ZNF264: variants seen among roughly 807,000 people sequenced by gnomAD.
The protein encoded by ZNF264 is zinc finger protein 264.
Under a neutral mutation model 11.2 loss-of-function variants are expected in ZNF264, and 11 were observed. The ratio of observed to expected loss-of-function variants is 0.98; its 90% confidence interval spans 0.62 to 1.63. ZNF264 has a LOEUF of 1.63. Ranked by LOEUF, ZNF264 falls within the 40% of genes most tolerant of loss-of-function variation. The probability of loss-of-function intolerance (pLI) is 0.00; values close to 1 mark genes in which losing one functional copy is unlikely to be tolerated. For synonymous variants in ZNF264, 309 were observed against 279.8 expected (o/e 1.10, Z -1.04); for missense variants, 752 against 768.1 (o/e 0.98, Z 0.25).
In ZNF264 at chr19:57,212,038, C is replaced by G. The variant is rs760089912; in HGVS notation, c.941C>G (p.Ser314Cys). 2 of 1,613,912 alleles carry G rather than the reference C, an allele frequency of 1.2e-6. No homozygotes were observed. The highest frequency in any genetic ancestry group is 2.2e-5 in the East Asian group (1 of 44,844). ...AACAGGAGACACACTGGAGAAAAAT[C>G]CTTTGTGTGCACAGAATGTGGCCAA... Reference protein sequence around the residue: ...LHNRRHTGEKSFVCTECGQVF... With the variant: ...LHNRRHTGEKCFVCTECGQVF... Residue 314 changes from serine (S) to cysteine (C), a missense_variant, in exon 4 of 4, where the codon TCC becomes TGC. Transcript: ENST00000263095.
At chr19:57,207,005 G>A (rs1004783729) in intron 3 of ZNF264, among the ~76,000 whole-genome samples, 1 of 143,086 alleles carries the variant, frequency 7.0e-6, no homozygotes, top group Non-Finnish European at 1.5e-5. Flanking sequence ...GAGTGTCTGT[G>A]CAGTCCCTGT....
Position 57,221,863 on chromosome 19 carries a change from A to G in ZNF264, c.*8882A>G, listed in dbSNP as rs572309723. On this transcript the variant is annotated 3_prime_UTR_variant, in exon 4 of 4. Transcript: ENST00000263095. ...TGGGTGGAGCAGTAGTAAGCCTCCC[A>G]AAATCTAAGGTCCCACACTCCAGCA... is the stretch of plus-strand genomic sequence containing the variant. 4.7e-4 allele frequency: 72 copies of G among 152,288 alleles called. No individual in the cohort carries two copies. The highest frequency in any genetic ancestry group is 1.7e-3 in the African/African-American group (71 of 41,564). The allele number at this position is 152,288 out of a possible 1,614,324, so 9.4% of individuals were successfully genotyped here. A position where few individuals can be genotyped will look rare whatever the true frequency, so the allele number is the denominator to read the frequency against.
intron 2 of ZNF264, 126 bp from the exon 3 acceptor site, chr19:57,205,271 C>G: frequency 1.2e-6 from 1 of 826,026 alleles, no homozygotes; most frequent in Non-Finnish European, 1.9e-6. Context: ...GCCAGCTTTT[C>G]ATTCCCATGC....
Position 57,221,084 on chromosome 19 carries a change from T to G in ZNF264, c.*8103T>G, listed in dbSNP as rs1388539710. On this transcript the variant is annotated 3_prime_UTR_variant, in exon 4 of 4. Coordinates refer to ENST00000263095, the MANE Select transcript of ZNF264 (RefSeq NM_003417.5). ...TGTTTGTTTTGAGATGGAGTCTCAC[T>G]CTGTCACCCATGCTGGTGTGCAGTG... 4 of 152,536 alleles carry G rather than the reference T, an allele frequency of 2.6e-5. No homozygotes were observed. Among genetic ancestry groups the G allele is most frequent in the Non-Finnish European group, 5.9e-5 (4 of 68,366 alleles). 9.4% of individuals were successfully genotyped at this position (152,536 alleles called of 1,614,324 possible).
Position 57,213,054 on chromosome 19 carries a change from T to C in ZNF264, c.*73T>C. The C allele has an allele frequency of 7.1e-7, 1 of 1,418,158 alleles. No homozygotes were observed. The highest frequency in any genetic ancestry group is 1.4e-5 in the South Asian group (1 of 71,024). 87.8% of individuals were successfully genotyped at this position (1,418,158 alleles called of 1,614,324 possible). Reference sequence around the variant, plus strand: ...TAGAAATTCGTTCAGTCTAGAGCCTTATTCTCCATCTGATAATTTATCCTG... The same window carrying C: ...TAGAAATTCGTTCAGTCTAGAGCCTCATTCTCCATCTGATAATTTATCCTG... On this transcript the variant is annotated 3_prime_UTR_variant, in exon 4 of 4. Transcript: ENST00000263095.
rs2087397181 is a variant in ZNF264 at position 57,218,704 on chromosome 19, T to C, written c.*5723T>C. ...TCTTGTTAATATTGATTAATTTTTA[T>C]TGACCTTCCATGGTCCTCACTGATT... On this transcript the variant is annotated 3_prime_UTR_variant, in exon 4 of 4. Transcript: ENST00000263095. 1 of 152,256 alleles carries C rather than the reference T, an allele frequency of 6.6e-6. No homozygotes were observed. The highest frequency in any genetic ancestry group is 2.1e-4 in the South Asian group (1 of 4,838). The allele number at this position is 152,256 out of a possible 1,614,324, so 9.4% of individuals were successfully genotyped here.
chr19:57,211,944 G>A lies in ZNF264; in HGVS notation c.847G>A (p.Gly283Arg). ...TACCCAGCACCAGCGGATTCACAGT[G>A]GAGAGAAGCCTTACAAGTGCAATGA... ...YLTQHQRIHS[G>R]EKPYKCNECG... Residue 283 changes from glycine (G) to arginine (R), a missense_variant, in exon 4 of 4, where the codon GGA becomes AGA. Physicochemically the swap from Gly to Arg is moderately radical, Grantham distance 125 (BLOSUM62 -2). Transcript: ENST00000263095. 6.2e-7 allele frequency: 1 copy of A among 1,614,058 alleles called. No individual in the cohort carries two copies. Among genetic ancestry groups the A allele is most frequent in the Non-Finnish European group, 8.5e-7 (1 of 1,180,006 alleles).
In ZNF264 at chr19:57,198,028, A is replaced by C. The variant is rs1166190424; in HGVS notation, c.160+4027A>C. Reference sequence around the variant, plus strand: ...AGGTCTCTCTGAATAAGATTACGACACAAAGTCGGAGAGTTGATAGGCCCC... The same window carrying C: ...AGGTCTCTCTGAATAAGATTACGACCCAAAGTCGGAGAGTTGATAGGCCCC... On this transcript the variant is annotated intron_variant, in intron 2 of 3. Coordinates refer to ENST00000263095, the MANE Select transcript of ZNF264 (RefSeq NM_003417.5). Among the ~76,000 whole-genome samples the C allele has an allele frequency of 2.6e-5, 4 of 152,000 alleles. 1 individual carries two copies. Among genetic ancestry groups the C allele is most frequent in the African/African-American group, 4.9e-5 (2 of 41,218 alleles).
intron 2 of ZNF264, among the ~76,000 whole-genome samples, chr19:57,200,749 C>A (rs1419013907): frequency 6.6e-6 from 1 of 151,806 alleles, no homozygotes; most frequent in African/African-American, 2.4e-5. Context: ...GTAGCTGGGA[C>A]TACAGGTGTG....
At chr19:57,211,323 C>T (rs1226000326) in intron 3 of ZNF264, 31 bp from the exon 4 acceptor site, 1 of 1,549,346 alleles carries the variant, frequency 6.5e-7, no homozygotes, top group Admixed American at 2.1e-5. Context: ...CCTTTACTAA[C>T]AGGCCCTTTT....
Position 57,205,608 on chromosome 19 carries a change from T to TTA in ZNF264, c.256+121_256+122dup, listed in dbSNP as rs2087286512. On this transcript the variant is annotated intron_variant, in intron 3 of 3. Coordinates refer to ENST00000263095, the MANE Select transcript of ZNF264 (RefSeq NM_003417.5). ...ATTGTGGCCTCTCTCTATATAACTC[T>TTA]TATATAACTCTATCACACTAGAATG... is the stretch of plus-strand genomic sequence containing the variant. 3 of 882,616 alleles carry TTA rather than the reference T, an allele frequency of 3.4e-6. No homozygotes were observed. The Admixed American group carries it at 6.3e-5, about 18-fold the overall frequency. The allele number at this position is 882,616 out of a possible 1,614,324, so 54.7% of individuals were successfully genotyped here.
chr19:57,192,588 C>G, intron 1 of ZNF264: 1 of 984,854 alleles, frequency 1.0e-6, no homozygotes, highest in African/African-American at 1.7e-5. Flanking sequence ...GTGGAATTTC[C>G]TTGGGGGATC....
rs1206005682 is a variant in ZNF264 at position 57,212,711 on chromosome 19, C to T, written c.1614C>T (p.Pro538=). 1.2e-6 allele frequency: 2 copies of T among 1,614,060 alleles called. No homozygotes were observed. Among genetic ancestry groups the T allele is most frequent in the Admixed American group, 3.3e-5 (2 of 60,012 alleles). Residue 538 remains proline, a synonymous_variant, in exon 4 of 4, where the codon CCC becomes CCT. Coordinates refer to ENST00000263095, the MANE Select transcript of ZNF264 (RefSeq NM_003417.5). ...CCATTATCCACACTGGAGAGAAGCC[C>T]TATAAATGTAGTGAATGTGGAAAGG... ...RHAIIHTGEK[P]YKCSECGKAF...
In ZNF264 at chr19:57,212,676, A is replaced by T; in HGVS notation, c.1579A>T (p.Ile527Phe). ...GKSFCWSTNL[I>F]RHAIIHTGEK... is the part of the protein sequence containing the mutation. ...ATCGTTTTGCTGGAGCACAAACCTC[A>T]TTCGACATGCCATTATCCACACTGG... Residue 527 changes from isoleucine (I) to phenylalanine (F), a missense_variant, in exon 4 of 4, where the codon ATT becomes TTT. Coordinates refer to ENST00000263095, the MANE Select transcript of ZNF264 (RefSeq NM_003417.5). 1 of 1,614,124 alleles carries T rather than the reference A, an allele frequency of 6.2e-7. No homozygotes were observed. The highest frequency in any genetic ancestry group is 8.5e-7 in the Non-Finnish European group (1 of 1,180,028).
At chr19:57,205,061 G>A (rs968132220) in intron 2 of ZNF264, among the ~76,000 whole-genome samples, 1 of 152,118 alleles carries the variant, frequency 6.6e-6, no homozygotes, top group Non-Finnish European at 1.5e-5. Context: ...TCTAGAGGAA[G>A]AGCATTATAA....
chr19:57,192,035 T>C, intron 1 of ZNF264, 89 bp downstream of exon 1: 1 of 1,264,454 alleles, frequency 7.9e-7, no homozygotes, highest in South Asian at 1.7e-5. Context: ...ATCCCCTGGA[T>C]TTGTCTTCGC....
chr19:57,205,848 A>G (rs2087288125), intron 3 of ZNF264, among the ~76,000 whole-genome samples: 1 of 152,200 alleles, frequency 6.6e-6, no homozygotes, highest in South Asian at 2.1e-4. Context: ...AACTTCAGCT[A>G]AGTTAACAGT....
chr19:57,204,238 G>T (rs994033962), intron 2 of ZNF264, among the ~76,000 whole-genome samples: 1 of 149,816 alleles, frequency 6.7e-6, no homozygotes, highest in Non-Finnish European at 1.5e-5. Context: ...AAAAAAAACT[G>T]TGTGGCCTTG....
intron 2 of ZNF264, among the ~76,000 whole-genome samples, chr19:57,195,625 G>GAGATGCCC (rs1475290808): frequency 6.6e-6 from 1 of 151,810 alleles, no homozygotes; most frequent in African/African-American, 2.4e-5. Flanking sequence ...GTAATACTAA[G>GAGATGCCC]AGATGCCCTA....
Sources: gnomAD v4.1 joint callset for allele counts (sites outside exome capture counted in the v4.1 genomes callset) on GRCh38, gnomAD v4.1.1 for gene constraint, MANE v1.5 for transcripts, NCBI Gene and HGNC (gene_info 2026-07-23, HGNC 2026-07-21) for gene names.